The following INTS1 variants were observed in gnomAD, a reference collection of about 807,000 sequenced individuals.
The protein encoded by INTS1 is integrator complex subunit 1.
Under a neutral mutation model 241.6 loss-of-function variants are expected in INTS1, and 137 were observed. The ratio of observed to expected loss-of-function variants is 0.57; its 90% CI spans 0.49 to 0.65. The LOEUF (loss-of-function observed/expected upper bound fraction) is 0.65, where lower values mean the gene tolerates loss of function less well. INTS1 is among the 30% of genes least tolerant of loss of function. The pLI is 0.00. For synonymous variants in INTS1, 1,692 were observed against 1,337.8 expected, an observed-to-expected ratio of 1.26 and a Z score of -5.78; for missense variants, 3,073 against 3,032.2, an observed-to-expected ratio of 1.01 and a Z score of -0.32.
intron 22 of INTS1, among the ~76,000 whole-genome samples, chr7:1,486,350 G>A (rs775914328): frequency 1.0e-3 from 157 of 151,030 alleles, no homozygotes; most frequent in African/African-American, 3.4e-3. Flanking sequence ...CTCAACCTCC[G>A]CCTCCTAGGT....
At chr7:1,495,632 A>C in intron 12 of INTS1, 79 bp from the exon 13 acceptor site, 2 of 1,522,384 alleles carry the variant, frequency 1.3e-6, no homozygotes, top group Non-Finnish European at 1.8e-6. Flanking sequence ...GGTCCAACTC[A>C]ATGCTGGCAC....
chr7:1,476,512 C>CCCCCTCTCCCGGATGGGCCAA lies in INTS1; in HGVS notation c.5151+57_5152-57insTTGGCCCATCCGGGAGAGGGG, dbSNP rs1165883203. On this transcript the variant is annotated intron_variant, in intron 37 of 47. Transcript: ENST00000404767. ...ACCACCGCCTCTCCCGGATGGGCCA[C>CCCCCTCTCCCGGATGGGCCAA]CCCCTCTCCCGGATGGGCCACCCCC... The CCCCCTCTCCCGGATGGGCCAA allele has an allele frequency of 4.4e-6, 7 of 1,602,200 alleles. No homozygotes were observed. In the South Asian group the frequency reaches 7.8e-5, roughly 18 times the overall value.
rs769224935 is a variant in INTS1 at position 1,478,689 on chromosome 7, GC to G, written c.4489+36del. Reference sequence around the variant, plus strand: ...CACTCTGAGTGAGCCCCTGTCCAGTGCCCCCCAGCCGTCTGCCAGCCCGGCG... The same window carrying G: ...CACTCTGAGTGAGCCCCTGTCCAGTGCCCCCAGCCGTCTGCCAGCCCGGCG... On this transcript the variant is annotated intron_variant, in intron 32 of 47. Coordinates refer to ENST00000404767, the MANE Select transcript of INTS1 (RefSeq NM_001080453.3). 16 of 1,516,976 alleles carry G rather than the reference GC, an allele frequency of 1.1e-5. 1 individual carries two copies. In the South Asian group the frequency reaches 1.6e-4, roughly 15 times the overall value. 94.0% of individuals were successfully genotyped at this position (1,516,976 alleles called of 1,614,324 possible).
Position 1,479,413 on chromosome 7 carries a change from G to C in INTS1, c.4329+17C>G. On this transcript the variant is annotated intron_variant, in intron 31 of 47. Transcript: ENST00000404767. The stretch of plus-strand genomic sequence containing the variant: ...CTCACTGCCCTCCTCCCCCGCAAGA[G>C]GCCCACGCCCAAGTACCTGGTACTG... 2 of 1,562,000 alleles carry C rather than the reference G, an allele frequency of 1.3e-6. No individual in the cohort carries two copies. The highest frequency in any genetic ancestry group is 1.7e-6 in the Non-Finnish European group (2 of 1,153,886).
At position 1,497,387 on chromosome 7, in the gene INTS1, C is replaced by G. The variant is rs976398553; in HGVS notation, c.1426-73G>C. On this transcript the variant is annotated intron_variant, in intron 10 of 47. Transcript: ENST00000404767. This position sits in a 1 kb window ranked among gnomAD's most constrained non-coding sequence, Gnocchi z 5.3. ...CTGTCACAGGCCCCTTCCCGCAGCA[C>G]CAACAGGTATGGCGCCCGAGGGCGC... The G allele has an allele frequency of 6.7e-7, 1 of 1,501,354 alleles. No homozygotes were observed. Among genetic ancestry groups the G allele is most frequent in the Admixed American group, 2.1e-5 (1 of 47,962 alleles). The allele number at this position is 1,501,354 out of a possible 1,614,324, so 93.0% of individuals were successfully genotyped here.
chr7:1,473,068 T>C lies in INTS1; in HGVS notation c.6070+4A>G. Reference sequence around the variant, plus strand: ...TTCCAGCAGCCCCTGGCAGCCCCACTCACCCTCGCCCTCTTCGTCCAGGCC... The same window carrying C: ...TTCCAGCAGCCCCTGGCAGCCCCACCCACCCTCGCCCTCTTCGTCCAGGCC... On this transcript the variant is annotated splice_donor_region_variant and intron_variant, in intron 43 of 47. Transcript: ENST00000404767. 1 of 1,583,368 alleles carries C rather than the reference T, an allele frequency of 6.3e-7. No homozygotes were observed. The highest frequency in any genetic ancestry group is 1.1e-5 in the South Asian group (1 of 88,876).
chr7:1,494,464 G>C (rs1001819407), intron 14 of INTS1: 1 of 384,448 alleles, frequency 2.6e-6, no homozygotes, highest in African/African-American at 2.1e-5. Context: ...AGGACAGTGT[G>C]CGGCTGTCTG....
rs200492301 is a variant in INTS1 at position 1,474,179 on chromosome 7, G to A, written c.5818C>T (p.Arg1940Cys). The change falls in exon 41 of 48, where the codon CGC (arginine) becomes TGC (cysteine). Residue 1940 changes from arginine to cysteine, a missense_variant. Coordinates refer to ENST00000404767, the MANE Select transcript of INTS1 (RefSeq NM_001080453.3). ...GCGGGAGCACACACCAGCAGCAGGCGGATGAAGGACAGAAGGCAGTCCCAC... is the reference window on the plus strand; with the variant it reads ...GCGGGAGCACACACCAGCAGCAGGCAGATGAAGGACAGAAGGCAGTCCCAC... The part of the protein sequence containing the change: ...ALWDCLLSFI[R>C]LLLNYRKSSR... The A allele has an allele frequency of 2.5e-4, 395 of 1,570,480 alleles. 1 individual carries two copies. The highest frequency in any genetic ancestry group is 2.5e-4 in the Non-Finnish European group (293 of 1,160,164).
rs187219281 is a variant in INTS1, at chr7:1,470,946, G to T, written c.6357C>A (p.Ala2119=). 1.3e-6 allele frequency: 2 copies of T among 1,565,200 alleles called. No homozygotes were observed. Among genetic ancestry groups the T allele is most frequent in the Non-Finnish European group, 1.7e-6 (2 of 1,155,926 alleles). ...AGTACATGAACGTGGGCAGGAAAGC[G>T]GCTGCAATGCTGAAAGACCCACACA... is the stretch of plus-strand genomic sequence containing the variant. ...RSMQNSPSIA[A]AFLPTFMYCL... is the part of the protein sequence containing the mutation. The change falls in exon 47 of 48, where the codon GCC becomes GCA. Residue 2119 remains alanine, a synonymous_variant. Transcript: ENST00000404767.
intron 42 of INTS1, 123 bp from the exon 43 acceptor site, chr7:1,473,307 TCA>T: frequency 2.0e-6 from 1 of 488,898 alleles, no homozygotes. Flanking sequence ...GCCAGGACGC[TCA>T]GAGGGAGGGC....
intron 43 of INTS1, 77 bp downstream of exon 43, chr7:1,472,995 G>T: frequency 2.1e-6 from 2 of 971,420 alleles, no homozygotes; most frequent in Non-Finnish European, 3.0e-6. Context: ...GCCCAGGGCT[G>T]GCTGTGCGCT....
chr7:1,487,086 T>C lies in INTS1; in HGVS notation c.2662A>G (p.Met888Val), dbSNP rs1263916093. Reference sequence around the variant, plus strand: ...TGTACCAGGTCCGCCAGCCAGGGCATGGACTGCGAGGAGGCCTGGGCAGGC... The same window carrying C: ...TGTACCAGGTCCGCCAGCCAGGGCACGGACTGCGAGGAGGCCTGGGCAGGC... ...IIQRQASSQSMPWLADLVQSS... is the reference protein window; with the variant it reads ...IIQRQASSQSVPWLADLVQSS... Residue 888 changes from methionine to valine, a missense_variant, in exon 21 of 48, where the codon ATG becomes GTG. Coordinates refer to ENST00000404767, the MANE Select transcript of INTS1 (RefSeq NM_001080453.3). The C allele has an allele frequency of 1.9e-6, 3 of 1,550,740 alleles. No individual in the cohort carries two copies. Among genetic ancestry groups the C allele is most frequent in the South Asian group, 1.2e-5 (1 of 84,856 alleles).
Position 1,498,957 on chromosome 7 carries a change from C to T in INTS1, c.1137+18G>A. Reference sequence around the variant, plus strand: ...CCCCACCCCCTGCCCCGCCCACCCCCCCGGGGCGCCCCCGCACCTTGGGGT... The same window carrying T: ...CCCCACCCCCTGCCCCGCCCACCCCTCCGGGGCGCCCCCGCACCTTGGGGT... On this transcript the variant is annotated intron_variant, in intron 8 of 47. Transcript: ENST00000404767. 2 of 1,487,544 alleles carry T rather than the reference C, an allele frequency of 1.3e-6. No individual in the cohort carries two copies. The highest frequency in any genetic ancestry group is 1.2e-5 in the South Asian group (1 of 82,028). The allele number at this position is 1,487,544 out of a possible 1,614,324, so 92.1% of individuals were successfully genotyped here.
rs763436142 is a variant in INTS1 at position 1,493,156 on chromosome 7, G to T, written c.2069-50C>A. ...TTCTGGGGCTGCTCACAGACCATCA[G>T]GCACAGGCAGCGAGGGAACCGGCCC... On this transcript the variant is annotated intron_variant, in intron 15 of 47. Coordinates refer to ENST00000404767, the MANE Select transcript of INTS1 (RefSeq NM_001080453.3). This position sits in a 1 kb window ranked among gnomAD's most constrained non-coding sequence, Gnocchi z 5.3. 5.3e-6 allele frequency: 8 copies of T among 1,522,296 alleles called. No homozygotes were observed. In the South Asian group the frequency reaches 6.8e-5, roughly 13 times the overall value. 94.3% of individuals were successfully genotyped at this position (1,522,296 alleles called of 1,614,324 possible).
Position 1,493,024 on chromosome 7 carries a change from G to C in INTS1, c.2151C>G (p.Ile717Met). The stretch of plus-strand genomic sequence containing the variant: ...CGTGGGCTTACCCCGGTGGGAGCTG[G>C]ATGTTTTCAGGGTGATGGTAGGTGC... ...NLCTYHHPEN[I>M]QLPPGYQPPN... The change falls in exon 16 of 48, where the codon ATC (isoleucine) becomes ATG (methionine). Residue 717 changes from isoleucine to methionine, a missense_variant. Physicochemically the swap from Ile to Met is conservative, Grantham distance 10. Coordinates refer to ENST00000404767, the MANE Select transcript of INTS1 (RefSeq NM_001080453.3). The surrounding 1 kb of genome is among the most constrained non-coding windows in gnomAD (Gnocchi z 5.3). The C allele has an allele frequency of 5.6e-6, 9 of 1,613,360 alleles. No homozygotes were observed. The highest frequency in any genetic ancestry group is 7.6e-6 in the Non-Finnish European group (9 of 1,179,466).
In INTS1 at chr7:1,482,546, C is replaced by T. The variant is rs775749567; in HGVS notation, c.3703G>A (p.Ala1235Thr). 8.1e-6 allele frequency: 13 copies of T among 1,605,894 alleles called. No individual in the cohort carries two copies. The South Asian group carries it at 8.8e-5, about 11-fold the overall frequency. Residue 1235 changes from alanine (A) to threonine (T), a missense_variant and splice_region_variant, in exon 27 of 48, where the codon GCC becomes ACC. Physicochemically the swap from Ala to Thr is moderately conservative, Grantham distance 58. Transcript: ENST00000404767. ...RSEVLRLVDA[A>T]LQDLEPQQLL... ...TGCCCAAGCCCAGCCTGGACCGTAC[C>T]GGCGTCCACCAGGCGGAGCACCTCA...
At chr7:1,485,525 C>A (rs943834495) in intron 22 of INTS1, 56 bp from the exon 23 acceptor site, 5 of 1,562,366 alleles carry the variant, frequency 3.2e-6, no homozygotes, top group East Asian at 4.7e-5. Flanking sequence ...CAGGGTCTCA[C>A]CCTGGCCCCG....
chr7:1,499,738 G>A lies in INTS1; in HGVS notation c.685-106C>T, dbSNP rs1159073629. 2.0e-6 allele frequency: 3 copies of A among 1,470,798 alleles called. No homozygotes were observed. In the African/African-American group the frequency reaches 4.2e-5, roughly 21 times the overall value. 91.1% of individuals were successfully genotyped at this position (1,470,798 alleles called of 1,614,324 possible). On this transcript the variant is annotated intron_variant, in intron 5 of 47. Transcript: ENST00000404767. ...CTGGGTGCCCAGGCGGCCCTCTCCAGCTTCTGGGTGCAGCAGGGACCGTGC... is the reference window on the plus strand; with the variant it reads ...CTGGGTGCCCAGGCGGCCCTCTCCAACTTCTGGGTGCAGCAGGGACCGTGC...
rs970496325 is a variant in INTS1 at position 1,497,002 on chromosome 7, G to A, written c.1602+136C>T. 18 of 884,016 alleles carry A rather than the reference G, an allele frequency of 2.0e-5. No individual in the cohort carries two copies. Among genetic ancestry groups the A allele is most frequent in the Middle Eastern group, 7.0e-4 (2 of 2,858 alleles). The allele number at this position is 884,016 out of a possible 1,614,324, so 54.8% of individuals were successfully genotyped here. A position where few individuals can be genotyped will look rare whatever the true frequency, so the allele number is the denominator to read the frequency against. ...CCTCTGGGACGCGTCACCGCAAACA[G>A]CCTCACTCATCCCCGTACCCACGCT... On this transcript the variant is annotated intron_variant, in intron 11 of 47. Transcript: ENST00000404767. The surrounding 1 kb of genome is among the most constrained non-coding windows in gnomAD (Gnocchi z 5.3).
Sources: gnomAD v4.1 joint callset for allele counts (sites outside exome capture counted in the v4.1 genomes callset) on GRCh38, gnomAD v4.1.1 for gene constraint, Gnocchi (gnomAD v3.1) non-coding constraint, MANE v1.5 for transcripts, NCBI Gene and HGNC (gene_info 2026-07-23, HGNC 2026-07-21) for gene names.